Variants in ATP7B observed in about 807,000 individuals in gnomAD.
ATP7B encodes the protein copper-transporting ATPase 2.
A neutral mutation model predicts 118.9 loss-of-function variants in ATP7B; 113 were observed. The ratio of observed to expected loss-of-function variants is 0.95; its 90% CI spans 0.82 to 1.11. ATP7B has a LOEUF of 1.11. Ranked by LOEUF, ATP7B falls within the 50% of genes most tolerant of loss-of-function variation. The pLI is 0.00. For missense variants in ATP7B, 1,867 were observed against 1,871.4 expected (o/e 1.00, Z 0.04); for synonymous variants, 777 against 727.4 (o/e 1.07, Z -1.10).
chr13:51,983,040 G>GTA (rs907835115), intron 1 of ATP7B, among the ~76,000 whole-genome samples: 1 of 152,132 alleles, frequency 6.6e-6, no homozygotes, highest in African/African-American at 2.4e-5. Context: ...TACCCCAGTG[G>GTA]TGCCTGGAAT....
At chr13:51,958,103 A>T in intron 8 of ATP7B, 2 of 621,566 alleles carry the variant, frequency 3.2e-6, no homozygotes, top group Non-Finnish European at 5.6e-6. Flanking sequence ...TGATGGTTTT[A>T]ATAATTAACC....
chr13:51,966,995 C>T (rs1951584389), intron 4 of ATP7B: 1 of 1,613,172 alleles, frequency 6.2e-7, no homozygotes, highest in South Asian at 1.1e-5. Flanking sequence ...AAAACACAGA[C>T]TGTCTGCAAC....
At chr13:52,005,350 T>C (rs907106521) in intron 1 of ATP7B, among the ~76,000 whole-genome samples, 2 of 152,364 alleles carry the variant, frequency 1.3e-5, no homozygotes, top group South Asian at 4.1e-4. Context: ...TCTGCTTAGA[T>C]ATTTCTTCCA....
intron 1 of ATP7B, among the ~76,000 whole-genome samples, chr13:51,988,476 A>G (rs1251172475): frequency 2.6e-5 from 4 of 152,230 alleles, no homozygotes; most frequent in Admixed American, 1.3e-4. Context: ...AATTAGTTCA[A>G]CCATTGTGGA....
intron 1 of ATP7B, among the ~76,000 whole-genome samples, chr13:52,000,146 C>T (rs1171934211): frequency 1.3e-5 from 2 of 152,214 alleles, no homozygotes; most frequent in Non-Finnish European, 2.9e-5. Context: ...AGAAGTATAC[C>T]TTTCTTAGCT....
Position 51,941,091 on chromosome 13 carries a change from C to T in ATP7B, c.3546G>A (p.Val1182=). The part of the protein sequence containing the change: ...HEMKGQTAIL[V]AIDGVLCGMI... The stretch of plus-strand genomic sequence containing the variant: ...AGAAGCAGAAGATACCGTCAATAGC[C>T]ACCAGGATGGCTGTCTGTCCTTTCA... The change falls in exon 16 of 21, where the codon GTG becomes GTA. Residue 1182 remains valine (V), a synonymous_variant. Coordinates refer to ENST00000242839, the MANE Select transcript of ATP7B (RefSeq NM_000053.4). 1 of 1,614,164 alleles carries T rather than the reference C, an allele frequency of 6.2e-7. No individual in the cohort carries two copies. Among genetic ancestry groups the T allele is most frequent in the Non-Finnish European group, 8.5e-7 (1 of 1,180,022 alleles).
chr13:51,943,854 C>A (rs968125460), intron 14 of ATP7B, among the ~76,000 whole-genome samples: 1 of 151,948 alleles, frequency 6.6e-6, no homozygotes, highest in African/African-American at 2.4e-5. Context: ...ATATCCCACT[C>A]CTGTTGTTCT....
intron 1 of ATP7B, among the ~76,000 whole-genome samples, chr13:51,983,328 G>A (rs1266345348): frequency 6.6e-6 from 1 of 152,206 alleles, no homozygotes; most frequent in African/African-American, 2.4e-5. Context: ...GCCCTCCGCA[G>A]CTCAGCAAAG....
intron 1 of ATP7B, among the ~76,000 whole-genome samples, chr13:51,995,908 G>A (rs1241176100): frequency 6.6e-6 from 1 of 152,192 alleles, no homozygotes; most frequent in Non-Finnish European, 1.5e-5. Context: ...AGGTGTCCAT[G>A]AGCACAACAT....
At chr13:52,006,871 C>G (rs966062222) in intron 1 of ATP7B, among the ~76,000 whole-genome samples, 4 of 152,196 alleles carry the variant, frequency 2.6e-5, no homozygotes, top group African/African-American at 9.6e-5. Flanking sequence ...TCGAGCACCA[C>G]CTCCCACTGA....
Position 51,950,171 on chromosome 13 carries a change from G to T in ATP7B, c.2576-10C>A. The T allele has an allele frequency of 6.2e-7, 1 of 1,614,122 alleles. No homozygotes were observed. The highest frequency in any genetic ancestry group is 2.2e-5 in the East Asian group (1 of 44,878). ...ACTGGCATGGCTTCTCCTAGACGTAGGAAAGAGACAACTGTCACTTGCTCA... is the reference window on the plus strand; with the variant it reads ...ACTGGCATGGCTTCTCCTAGACGTATGAAAGAGACAACTGTCACTTGCTCA... On this transcript the variant is annotated splice_polypyrimidine_tract_variant and intron_variant, in intron 10 of 20. Transcript: ENST00000242839.
chr13:52,007,901 T>C (rs1953848994), intron 1 of ATP7B, among the ~76,000 whole-genome samples: 1 of 152,070 alleles, frequency 6.6e-6, no homozygotes, highest in Non-Finnish European at 1.5e-5. Context: ...TAGGGCAAAA[T>C]ATGGGAATGG....
rs199542057 is a variant in ATP7B at position 51,944,175 on chromosome 13, C to A, written c.3177G>T (p.Val1059=). 6.2e-7 allele frequency: 1 copy of A among 1,614,100 alleles called. No individual in the cohort carries two copies. Among genetic ancestry groups the A allele is most frequent in the African/African-American group, 1.3e-5 (1 of 74,946 alleles). ...ATLPLRKVLA[V]VGTAEASSEH... ...CACTGCTGGCCTCCGCAGTCCCCAC[C>A]ACAGCCAGAACCTTCCTGAGGGGCA... Residue 1059 remains valine (V), a synonymous_variant, in exon 14 of 21, where the codon GTG becomes GTT. Transcript: ENST00000242839.
At chr13:51,956,138 T>C (rs116024013) in intron 9 of ATP7B, among the ~76,000 whole-genome samples, 4,340 of 152,246 alleles carry the variant, frequency 0.029, 218 homozygotes, top group African/African-American at 0.1. Flanking sequence ...CCTACAATTG[T>C]GATGATCATT....
chr13:51,969,113 C>T (rs1298822707), intron 3 of ATP7B, among the ~76,000 whole-genome samples: 2 of 151,098 alleles, frequency 1.3e-5, no homozygotes, highest in East Asian at 1.9e-4. Flanking sequence ...CTCGCCTTGG[C>T]CTCCCAAGGC....
intron 1 of ATP7B, among the ~76,000 whole-genome samples, chr13:51,989,025 T>G (rs1028580290): frequency 2.0e-5 from 3 of 152,138 alleles, no homozygotes; most frequent in Admixed American, 6.5e-5. Context: ...CTGCACGTTC[T>G]GCACATGTAC....
Position 51,957,511 on chromosome 13 carries a change from C to T in ATP7B, c.2447+5G>A, listed in dbSNP as rs1369012080. ...CCACAAAGACATTTGATAACCATAA[C>T]TCACCTGATGATTAAATTGTCCTCA... On this transcript the variant is annotated splice_donor_5th_base_variant and intron_variant, in intron 9 of 20. Transcript: ENST00000242839. The T allele has an allele frequency of 6.2e-7, 1 of 1,612,390 alleles. No individual in the cohort carries two copies. Among genetic ancestry groups the T allele is most frequent in the South Asian group, 1.1e-5 (1 of 91,046 alleles).
intron 1 of ATP7B, among the ~76,000 whole-genome samples, chr13:51,994,039 C>A (rs758912746): frequency 2.0e-5 from 3 of 152,178 alleles, no homozygotes; most frequent in Admixed American, 1.3e-4. Context: ...TGTAAAGTAA[C>A]AGTTTGGACA....
chr13:51,974,158 G>T lies in ATP7B; in HGVS notation c.1062C>A (p.Val354=), dbSNP rs371971772. The T allele has an allele frequency of 3.1e-6, 5 of 1,613,838 alleles. No individual in the cohort carries two copies. In the African/African-American group the frequency reaches 5.3e-5, roughly 17 times the overall value. Reference sequence around the variant, plus strand: ...TCAGAGTGGTACTGCATGTGCCCTGGACCTGGTTTCTCGGTGGGGAGCCAG... The same window carrying T: ...TCAGAGTGGTACTGCATGTGCCCTGTACCTGGTTTCTCGGTGGGGAGCCAG... ...HSPGSPPRNQ[V]QGTCSTTLIA... The change falls in exon 2 of 21, where the codon GTC becomes GTA. Residue 354 remains valine, a synonymous_variant. Transcript: ENST00000242839.
Sources: allele counts gnomAD v4.1 joint callset (sites outside exome capture counted in the v4.1 genomes callset), GRCh38; gene constraint gnomAD v4.1.1; transcripts MANE v1.5; gene names NCBI Gene and HGNC (gene_info 2026-07-23, HGNC 2026-07-21).